ACAN: variants seen among roughly 807,000 people sequenced by gnomAD.
ACAN encodes the protein aggrecan.
In ACAN, 47 loss-of-function variants were observed where a neutral mutation model predicts 169.1. That is an observed-to-expected ratio of 0.28 (90% CI 0.22 to 0.35). The LOEUF is 0.35. ACAN is among the 10% of genes least tolerant of loss of function. ACAN has a pLI of 1.00. For missense variants in ACAN, 2,716 were observed against 2,759.9 expected, an observed-to-expected ratio of 0.98 and a Z score of 0.36; for synonymous variants, 1,115 against 1,112.2, an observed-to-expected ratio of 1.00 and a Z score of -0.05.
Position 88,869,010 on chromosome 15 carries a change from G to A in ACAN, c.7060+681G>A, listed in dbSNP as rs1897325599. On this transcript the variant is annotated intron_variant, in intron 14 of 18. Transcript: ENST00000560601. The surrounding 1 kb of genome is among the most constrained non-coding windows in gnomAD (Gnocchi z 4.2). Reference sequence around the variant, plus strand: ...GAACAGAACTGTGTTACAAGGGGGAGGACTGAGTTACCTCTCTTGGGCCTT... The same window carrying A: ...GAACAGAACTGTGTTACAAGGGGGAAGACTGAGTTACCTCTCTTGGGCCTT... Among the ~76,000 whole-genome samples the A allele has an allele frequency of 6.6e-6, 1 of 152,204 alleles. No individual in the cohort carries two copies. Among genetic ancestry groups the A allele is most frequent in the African/African-American group, 2.4e-5 (1 of 41,452 alleles).
Position 88,858,742 on chromosome 15 carries a change from G to T in ACAN, c.6157G>T (p.Glu2053Ter). 6.2e-7 allele frequency: 1 copy of T among 1,613,854 alleles called. No homozygotes were observed. Among genetic ancestry groups the T allele is most frequent in the Non-Finnish European group, 8.5e-7 (1 of 1,179,874 alleles). ...TGTTACTGAACCAACTATTTCTCAG[G>T]AACTAGGCCAAAGGCCCCCTGTGAC... ...EGVTEPTISQ[E>*]LGQRPPVTHT... Residue 2053 changes from glutamate (E) to a stop codon, truncating the protein, a stop_gained, in exon 12 of 19, where the codon GAA (glutamate) becomes TAA (stop). Transcript: ENST00000560601. LOFTEE classifies it high-confidence loss of function. This position sits in a 1 kb window ranked among gnomAD's most constrained non-coding sequence, Gnocchi z 4.0.
rs569287563 is a variant in ACAN, at chr15:88,806,651, G to A, written c.-8+2842G>A. ...GCGTGAGCCACCATGCCCAGCCAGTGAATTTCTTTTTAATGATTCCTTCTA... is the reference window on the plus strand; with the variant it reads ...GCGTGAGCCACCATGCCCAGCCAGTAAATTTCTTTTTAATGATTCCTTCTA... On this transcript the variant is annotated intron_variant, in intron 1 of 18. Transcript: ENST00000560601. Among the ~76,000 whole-genome samples the A allele has an allele frequency of 1.4e-3, 218 of 152,222 alleles. 2 individuals are homozygous for A. The highest frequency in any genetic ancestry group is 4.1e-3 in the African/African-American group (171 of 41,538).
At position 88,843,223 on chromosome 15, in the gene ACAN, G is replaced by A; in HGVS notation, c.758-132G>A. The A allele has an allele frequency of 1.3e-6, 1 of 742,398 alleles. No homozygotes were observed. Among genetic ancestry groups the A allele is most frequent in the Non-Finnish European group, 2.1e-6 (1 of 486,358 alleles). The allele number at this position is 742,398 out of a possible 1,614,324, so 46.0% of individuals were successfully genotyped here. On this transcript the variant is annotated intron_variant, in intron 5 of 18. Coordinates refer to ENST00000560601, the MANE Select transcript of ACAN (RefSeq NM_001369268.1). This position sits in a 1 kb window ranked among gnomAD's most constrained non-coding sequence, Gnocchi z 4.0. Reference sequence around the variant, plus strand: ...AATGAAGGGCAAGATCTGAGATGCAGACATATGGGACCAGGACTTTGGGAA... The same window carrying A: ...AATGAAGGGCAAGATCTGAGATGCAAACATATGGGACCAGGACTTTGGGAA...
intron 1 of ACAN, among the ~76,000 whole-genome samples, chr15:88,815,954 C>T (rs1247780790): frequency 1.3e-5 from 2 of 152,216 alleles, no homozygotes; most frequent in East Asian, 3.8e-4. Flanking sequence ...GCCATGCTCC[C>T]TCTGAAACCT....
rs200734577 is a variant in ACAN, at chr15:88,845,837, G to A, written c.1384G>A (p.Val462Ile). 1.1e-5 allele frequency: 16 copies of A among 1,494,612 alleles called. No homozygotes were observed. The East Asian group carries it at 1.2e-4, about 11-fold the overall frequency. 92.6% of individuals were successfully genotyped at this position (1,494,612 alleles called of 1,614,324 possible). A position where few individuals can be genotyped will look rare whatever the true frequency, so the allele number is the denominator to read the frequency against. The change falls in exon 7 of 19, where the codon GTC becomes ATC. Residue 462 changes from valine (V) to isoleucine (I), a missense_variant. Val to Ile is a conservative substitution (Grantham distance 29, BLOSUM62 3). Transcript: ENST00000560601. ...PATAFTSEDLVVQVTAVPGQP... is the reference protein window; with the variant it reads ...PATAFTSEDLIVQVTAVPGQP... ...CACGGCATTCACCAGTGAGGACCTC[G>A]TCGTGCAGGTGACCGCTGTCCCTGG...
At position 88,859,309 on chromosome 15, in the gene ACAN, C is replaced by T. The variant is rs373438469; in HGVS notation, c.6724C>T (p.Leu2242=). ...THLEIESSSL[L]YSGEETHTVE... Reference sequence around the variant, plus strand: ...TCTAGAAATTGAGTCCTCAAGCCTCCTGTACTCAGGAGAAGAGACTCACAC... The same window carrying T: ...TCTAGAAATTGAGTCCTCAAGCCTCTTGTACTCAGGAGAAGAGACTCACAC... Residue 2242 remains leucine, a synonymous_variant, in exon 12 of 19, where the codon CTG becomes TTG. Transcript: ENST00000560601. 1 of 1,611,792 alleles carries T rather than the reference C, an allele frequency of 6.2e-7. No individual in the cohort carries two copies. Among genetic ancestry groups the T allele is most frequent in the Non-Finnish European group, 8.5e-7 (1 of 1,178,862 alleles).
At chr15:88,841,350 A>G (rs1896655934) in intron 4 of ACAN, among the ~76,000 whole-genome samples, 4 of 152,112 alleles carry the variant, frequency 2.6e-5, no homozygotes, top group Admixed American at 2.6e-4. Context: ...AGTCCAACCC[A>G]CCCCTTGCTT....
In ACAN at chr15:88,873,293, A is replaced by G. The variant is rs1897427013; in HGVS notation, c.7447+268A>G. ...TCACAGGCTAGAAGACAGGACCCCC[A>G]CTCCACACTCCACACAGTCCCTTGG... On this transcript the variant is annotated intron_variant, in intron 17 of 18. Coordinates refer to ENST00000560601, the MANE Select transcript of ACAN (RefSeq NM_001369268.1). The surrounding 1 kb of genome is among the most constrained non-coding windows in gnomAD (Gnocchi z 7.5). Among the ~76,000 whole-genome samples, 1 of 152,002 alleles carries G rather than the reference A, an allele frequency of 6.6e-6. No homozygotes were observed. The highest frequency in any genetic ancestry group is 1.5e-5 in the Non-Finnish European group (1 of 68,000).
rs181173463 is a variant in ACAN at position 88,874,682 on chromosome 15, C to T, written c.*201C>T. 308 of 671,554 alleles carry T rather than the reference C, an allele frequency of 4.6e-4. 2 individuals carry two copies. In the African/African-American group the frequency reaches 5.0e-3, roughly 11 times the overall value. The allele number at this position is 671,554 out of a possible 1,614,324, so 41.6% of individuals were successfully genotyped here. A position where few individuals can be genotyped will look rare whatever the true frequency, so the allele number is the denominator to read the frequency against. On this transcript the variant is annotated 3_prime_UTR_variant, in exon 19 of 19. Coordinates refer to ENST00000560601, the MANE Select transcript of ACAN (RefSeq NM_001369268.1). The surrounding 1 kb of genome is among the most constrained non-coding windows in gnomAD (Gnocchi z 7.3). Reference sequence around the variant, plus strand: ...GCAAAACCGCATCTAATTTGTCCGCCGAATGCCAAAGCAAAGCAAACTTAT... The same window carrying T: ...GCAAAACCGCATCTAATTTGTCCGCTGAATGCCAAAGCAAAGCAAACTTAT...
intron 7 of ACAN, among the ~76,000 whole-genome samples, 193 bp from the exon 8 acceptor site, chr15:88,847,050 G>A (rs1407655309): frequency 6.6e-6 from 1 of 152,216 alleles, no homozygotes; most frequent in South Asian, 2.1e-4. Flanking sequence ...GGGTTCCCAC[G>A]CAGGGGAGGG....
intron 1 of ACAN, among the ~76,000 whole-genome samples, chr15:88,819,218 G>A (rs1031774670): frequency 5.3e-5 from 8 of 152,126 alleles, no homozygotes; most frequent in Non-Finnish European, 1.2e-4. Flanking sequence ...ACAAAGTGTC[G>A]GGGGGCAACA....
intron 7 of ACAN, among the ~76,000 whole-genome samples, chr15:88,846,869 C>T (rs1054590957): frequency 6.6e-6 from 1 of 152,206 alleles, no homozygotes; most frequent in African/African-American, 2.4e-5. Context: ...ATTTACCATT[C>T]GGCTCTTTCC....
At chr15:88,848,408 T>C (rs1896848032) in intron 9 of ACAN, among the ~76,000 whole-genome samples, 1 of 151,770 alleles carries the variant, frequency 6.6e-6, no homozygotes, top group African/African-American at 2.4e-5. Flanking sequence ...AGTCCTGCAG[T>C]AAAAACAAAA....
At chr15:88,813,116 T>C (rs1895861753) in intron 1 of ACAN, among the ~76,000 whole-genome samples, 2 of 152,212 alleles carry the variant, frequency 1.3e-5, no homozygotes, top group African/African-American at 4.8e-5. Context: ...CCATCTGTCT[T>C]GGTCACTCTG....
chr15:88,847,130 A>C, intron 7 of ACAN, 113 bp from the exon 8 acceptor site: 2 of 1,184,642 alleles, frequency 1.7e-6, no homozygotes, highest in Non-Finnish European at 2.3e-6. Context: ...TGCATTGCCC[A>C]GATAAATCCA....
At position 88,858,711 on chromosome 15, in the gene ACAN, G is replaced by T; in HGVS notation, c.6126G>T (p.Val2042=). The T allele has an allele frequency of 1.2e-6, 2 of 1,613,938 alleles. No individual in the cohort carries two copies. Among genetic ancestry groups the T allele is most frequent in the Non-Finnish European group, 1.7e-6 (2 of 1,179,888 alleles). ...TTACTTTAATCACTTCTGAGTTCGT[G>T]GAGGGTGTTACTGAACCAACTATTT... ...PEVTLITSEF[V]EGVTEPTISQ... is the part of the protein sequence containing the mutation. Residue 2042 remains valine (V), a synonymous_variant, in exon 12 of 19, where the codon GTG becomes GTT. Transcript: ENST00000560601. This position sits in a 1 kb window ranked among gnomAD's most constrained non-coding sequence, Gnocchi z 4.0.
chr15:88,855,003 C>T lies in ACAN; in HGVS notation c.2418C>T (p.Phe806=), dbSNP rs1447627449. The T allele has an allele frequency of 3.8e-6, 6 of 1,594,076 alleles. No homozygotes were observed. The African/African-American group carries it at 6.8e-5, about 18-fold the overall frequency. Residue 806 remains phenylalanine, a synonymous_variant, in exon 12 of 19, where the codon TTC becomes TTT. Transcript: ENST00000560601. Reference sequence around the variant, plus strand: ...AGCCATCCCCCTCAGAGGAACCATTCCCCTCAGTGAGGCCATTCCCCTCAG... The same window carrying T: ...AGCCATCCCCCTCAGAGGAACCATTTCCCTCAGTGAGGCCATTCCCCTCAG... ...SEEPSPSEEP[F]PSVRPFPSVE... is the part of the protein sequence containing the mutation.
intron 1 of ACAN, among the ~76,000 whole-genome samples, chr15:88,815,297 G>T (rs922623788): frequency 1.3e-5 from 2 of 152,094 alleles, no homozygotes; most frequent in African/African-American, 2.4e-5. Context: ...AGTGGCTCAT[G>T]CCTGTAATCC....
chr15:88,863,043 T>C (rs1040754580), intron 13 of ACAN, among the ~76,000 whole-genome samples: 1 of 149,222 alleles, frequency 6.7e-6, no homozygotes, highest in Admixed American at 6.7e-5. Context: ...ATCAGTATCC[T>C]CGGGGGGCCA....
Sources: gnomAD v4.1 joint callset for allele counts (sites outside exome capture counted in the v4.1 genomes callset) on GRCh38, gnomAD v4.1.1 for gene constraint, Gnocchi (gnomAD v3.1) non-coding constraint, MANE v1.5 for transcripts, NCBI Gene and HGNC (gene_info 2026-07-23, HGNC 2026-07-21) for gene names.